Variants in RP1 observed in about 807,000 individuals in gnomAD.
RP1 encodes RP1 axonemal microtubule associated, also known as oxygen-regulated protein 1.
In RP1, 16 loss-of-function variants were observed where a neutral mutation model predicts 14.8. The ratio of observed to expected loss-of-function variants is 1.08; its 90% CI spans 0.73 to 1.65. RP1 has a LOEUF of 1.65. Ranked by LOEUF, RP1 falls within the 40% of genes most tolerant of loss-of-function variation. RP1 has a pLI of 0.00. For synonymous variants in RP1, 876 were observed against 883.6 expected, an observed-to-expected ratio of 0.99 and a Z score of 0.15; for missense variants, 2,631 against 2,535.0, an observed-to-expected ratio of 1.04 and a Z score of -0.81.
chr8:54,765,899 A>G (rs985765428), intron 22 of RP1, among the ~76,000 whole-genome samples: 2 of 152,158 alleles, frequency 1.3e-5, no homozygotes, highest in Non-Finnish European at 2.9e-5. Flanking sequence ...ACCAGATGAT[A>G]TGCTTCTTAA....
intron 24 of RP1, among the ~76,000 whole-genome samples, chr8:54,786,189 G>A (rs2129382041): frequency 6.6e-6 from 1 of 152,136 alleles, no homozygotes; most frequent in South Asian, 2.1e-4. Context: ...AGGTCTGCTA[G>A]TGATGAATTC....
At chr8:54,658,855 C>G (rs1806815639) in intron 6 of RP1, among the ~76,000 whole-genome samples, 1 of 150,540 alleles carries the variant, frequency 6.6e-6, no homozygotes, top group Non-Finnish European at 1.5e-5. Flanking sequence ...CACAAGGGTT[C>G]CAATTTCTCT....
At chr8:54,868,286 T>A (rs1422472945) in intron 28 of RP1, among the ~76,000 whole-genome samples, 3 of 152,156 alleles carry the variant, frequency 2.0e-5, no homozygotes, top group Non-Finnish European at 4.4e-5. Context: ...GATGAAAATA[T>A]TTAAGATGGT....
rs1304972385 is a variant in RP1 at position 54,627,263 on chromosome 8, TCTC to T, written c.3384_3386del (p.Leu1130del). 1 of 1,614,074 alleles carries T rather than the reference TCTC, an allele frequency of 6.2e-7. No homozygotes were observed. The highest frequency in any genetic ancestry group is 1.3e-5 in the African/African-American group (1 of 75,040). ...CTGCAATATGTAATTCATCCACTAA[TCTC>T]CTTCTAGCTTGGCTCTTGGTGCTAA... On this transcript the variant is annotated inframe_deletion, in exon 4 of 4. Transcript: ENST00000220676.
chr8:54,726,591 C>A, intron 17 of RP1: 1 of 1,067,734 alleles, frequency 9.4e-7, no homozygotes, highest in Non-Finnish European at 1.3e-6. Flanking sequence ...TGTTATACCA[C>A]ATGGACTGCT....
At chr8:54,599,508 G>A (rs1805225034) in intron 1 of RP1, among the ~76,000 whole-genome samples, 1 of 151,518 alleles carries the variant, frequency 6.6e-6, no homozygotes, top group Non-Finnish European at 1.5e-5. Flanking sequence ...GCCCAGGCTG[G>A]AATGCGGTGG....
At chr8:54,711,154 T>C (rs183885934) in intron 15 of RP1, among the ~76,000 whole-genome samples, 2 of 152,290 alleles carry the variant, frequency 1.3e-5, no homozygotes, top group Admixed American at 1.3e-4. Flanking sequence ...GAGAAAATAC[T>C]GTTACTATGT....
chr8:54,647,411 T>G (rs1806572381), intron 3 of RP1, among the ~76,000 whole-genome samples: 1 of 151,978 alleles, frequency 6.6e-6, no homozygotes, highest in South Asian at 2.1e-4. Context: ...CGAGACTCCC[T>G]CTCAAAAAAA....
chr8:54,763,002 T>A (rs1809678196), intron 22 of RP1, among the ~76,000 whole-genome samples: 1 of 152,216 alleles, frequency 6.6e-6, no homozygotes, highest in African/African-American at 2.4e-5. Flanking sequence ...TCTTTACTAA[T>A]TACATACCCT....
At chr8:54,633,710 C>CCTCTCTCTCTCTCTCT (rs3077384), downstream of RP1, among the ~76,000 whole-genome samples, 1 of 118,532 alleles carries the variant, frequency 8.4e-6, no homozygotes, top group African/African-American at 3.3e-5. Flanking sequence ...TTATTTTGTG[C>CCTCTCTCTCTCTCTCT]CTCTCTCTCT....
At chr8:54,863,143 A>G (rs1812388592) in intron 27 of RP1, among the ~76,000 whole-genome samples, 1 of 150,300 alleles carries the variant, frequency 6.7e-6, no homozygotes, top group Non-Finnish European at 1.5e-5. Context: ...TGGTAGTCCC[A>G]TAAGATTATC....
At position 54,797,139 on chromosome 8, in the gene RP1, A is replaced by G. The variant is rs562270544; in HGVS notation, c.3615+13429A>G. The stretch of plus-strand genomic sequence containing the variant: ...GCATGAGAAGAAGGTGGCACTGGAG[A>G]GACATTTTTGTATGTAACACTGCTG... On this transcript the variant is annotated intron_variant, in intron 24 of 28. Coordinates refer to the RP1 transcript ENST00000637698. Among the ~76,000 whole-genome samples the G allele has an allele frequency of 4.6e-5, 7 of 152,278 alleles. No homozygotes were observed. The East Asian group carries it at 1.4e-3, about 29-fold the overall frequency.
chr8:54,809,296 C>A (rs554422054), intron 24 of RP1, among the ~76,000 whole-genome samples: 1 of 152,304 alleles, frequency 6.6e-6, no homozygotes, highest in Non-Finnish European at 1.5e-5. Flanking sequence ...CTCATACATT[C>A]TCTTTCTTCA....
At chr8:54,755,833 T>C in intron 21 of RP1, 1 of 1,371,316 alleles carries the variant, frequency 7.3e-7, no homozygotes, top group Non-Finnish European at 9.5e-7. Flanking sequence ...CCACATATGA[T>C]TTAAAATTTA....
intron 1 of RP1, among the ~76,000 whole-genome samples, chr8:54,587,479 C>A (rs565734138): frequency 4.0e-5 from 6 of 151,348 alleles, no homozygotes; most frequent in Middle Eastern, 3.5e-3. Context: ...CTCTGATGGT[C>A]TCACCTTGCT....
intron 27 of RP1, among the ~76,000 whole-genome samples, chr8:54,858,908 A>G (rs1812270798): frequency 6.6e-6 from 1 of 151,982 alleles, no homozygotes; most frequent in Admixed American, 6.6e-5. Context: ...GTGTCACCAT[A>G]GAGTGGCTTC....
At chr8:54,636,520 C>T (rs2129320877) in intron 3 of RP1, among the ~76,000 whole-genome samples, 1 of 152,228 alleles carries the variant, frequency 6.6e-6, no homozygotes, top group African/African-American at 2.4e-5. Flanking sequence ...GGTGGATCAC[C>T]TGAGGTCAGG....
chr8:54,585,092 G>A (rs188928041), intron 1 of RP1, among the ~76,000 whole-genome samples: 1 of 152,312 alleles, frequency 6.6e-6, no homozygotes, highest in Admixed American at 6.5e-5. Flanking sequence ...TTTCTTCCTA[G>A]CCTTGATGGT....
upstream of RP1, among the ~76,000 whole-genome samples, chr8:54,615,309 C>T (rs149494453): frequency 6.4e-4 from 98 of 152,236 alleles, no homozygotes; most frequent in African/African-American, 2.1e-3. Context: ...AACATTGTGG[C>T]GCACATGCTT....
Sources: allele counts gnomAD v4.1 joint callset (sites outside exome capture counted in the v4.1 genomes callset), GRCh38; gene constraint gnomAD v4.1.1; transcripts MANE v1.5; gene names NCBI Gene and HGNC (gene_info 2026-07-23, HGNC 2026-07-21).